Variants in SHC4 observed in about 807,000 individuals in gnomAD.
SHC4 encodes the protein SHC adaptor protein 4.
Under a neutral mutation model 69.4 loss-of-function variants are expected in SHC4, and 41 were observed. That is an observed-to-expected ratio of 0.59 (90% CI 0.46 to 0.77). The LOEUF is 0.77. Ranked by LOEUF, SHC4 falls within the 30% of genes least tolerant of loss-of-function variation. The pLI is 0.00. For synonymous variants in SHC4, 318 were observed against 299.3 expected (o/e 1.06, Z -0.64); for missense variants, 777 against 783.8 (o/e 0.99, Z 0.10).
Position 48,954,672 on chromosome 15 carries a change from G to T in SHC4, c.585+7759C>A, listed in dbSNP as rs75560781. On this transcript the variant is annotated intron_variant, in intron 1 of 11. Coordinates refer to ENST00000332408, the MANE Select transcript of SHC4 (RefSeq NM_203349.4). ...GCAGCACAAGGCAAGACTTAGGGAAGAAAGTTCTGCCAGGGTGGCGCTGCT... is the reference window on the plus strand; with the variant it reads ...GCAGCACAAGGCAAGACTTAGGGAATAAAGTTCTGCCAGGGTGGCGCTGCT... Among the ~76,000 whole-genome samples the T allele has an allele frequency of 9.4e-3, 1,434 of 152,360 alleles. 35 individuals carry two copies. The East Asian group carries it at 0.11, about 11-fold the overall frequency.
chr15:48,915,603 A>G (rs1471509747), intron 2 of SHC4, among the ~76,000 whole-genome samples: 1 of 152,208 alleles, frequency 6.6e-6, no homozygotes, highest in African/African-American at 2.4e-5. Context: ...GGGGAGATCA[A>G]CTTTGGATGC....
chr15:48,960,191 C>T (rs1052177240), intron 1 of SHC4, among the ~76,000 whole-genome samples: 7 of 152,146 alleles, frequency 4.6e-5, no homozygotes, highest in South Asian at 2.1e-4. Context: ...AAATCTAAAA[C>T]GCCAGAGGAG....
At chr15:48,880,545 ATC>A (rs1369243891) in intron 4 of SHC4, among the ~76,000 whole-genome samples, 1 of 151,914 alleles carries the variant, frequency 6.6e-6, no homozygotes, top group Non-Finnish European at 1.5e-5. Flanking sequence ...GGAAAAAAAA[ATC>A]TGAGGTCCAC....
At chr15:48,833,773 T>G (rs1404366868) in intron 11 of SHC4, among the ~76,000 whole-genome samples, 1 of 152,210 alleles carries the variant, frequency 6.6e-6, no homozygotes, top group Non-Finnish European at 1.5e-5. Context: ...TCATGAGACA[T>G]GGAATTCCTT....
chr15:48,902,004 G>A (rs925903007), intron 2 of SHC4, among the ~76,000 whole-genome samples: 1 of 152,014 alleles, frequency 6.6e-6, no homozygotes, highest in Non-Finnish European at 1.5e-5. Context: ...GAGTTTGAGA[G>A]CAGACTGTGC....
In SHC4 at chr15:48,963,357, C is replaced by A; in HGVS notation, c.-342G>T. On this transcript the variant is annotated 5_prime_UTR_variant, in exon 1 of 12. Transcript: ENST00000332408. ...GCGCAGAACCCGGGCGAGCGCCGGT[C>A]GGGGGGCCCGCTGCATCACTAGCCT... The A allele has an allele frequency of 3.7e-6, 1 of 270,898 alleles. No homozygotes were observed. Among genetic ancestry groups the A allele is most frequent in the East Asian group, 7.1e-5 (1 of 14,116 alleles). 16.8% of individuals were successfully genotyped at this position (270,898 alleles called of 1,614,324 possible).
At chr15:48,881,288 T>G (rs1293075126) in intron 4 of SHC4, among the ~76,000 whole-genome samples, 1 of 151,978 alleles carries the variant, frequency 6.6e-6, no homozygotes, top group Non-Finnish European at 1.5e-5. Context: ...GATTCTTACC[T>G]TTTTATTATT....
At chr15:48,955,695 G>C (rs1282828724) in intron 1 of SHC4, among the ~76,000 whole-genome samples, 1 of 152,142 alleles carries the variant, frequency 6.6e-6, no homozygotes, top group Non-Finnish European at 1.5e-5. Flanking sequence ...GCTATTTTAA[G>C]ACAATTTTCC....
In SHC4 at chr15:48,851,801, A is replaced by C. The variant is rs372874580; in HGVS notation, c.1243-553T>G. On this transcript the variant is annotated intron_variant, in intron 8 of 11. Transcript: ENST00000332408. Reference sequence around the variant, plus strand: ...GATGAACAGTGTCTTTAGAAAGATTAGTTTGGCAGCACTGTGCAGGAGGGT... The same window carrying C: ...GATGAACAGTGTCTTTAGAAAGATTCGTTTGGCAGCACTGTGCAGGAGGGT... 2.0e-5 allele frequency among the ~76,000 whole-genome samples: 3 copies of C among 152,316 alleles called. No homozygotes were observed. In the South Asian group the frequency reaches 6.2e-4, roughly 32 times the overall value.
chr15:48,908,645 T>G (rs1367625596), intron 2 of SHC4, among the ~76,000 whole-genome samples: 1 of 152,112 alleles, frequency 6.6e-6, no homozygotes, highest in African/African-American at 2.4e-5. Context: ...TTTAGAAGAG[T>G]TTTTCCAATG....
intron 9 of SHC4, among the ~76,000 whole-genome samples, chr15:48,846,251 AC>A (rs1389222126): frequency 2.0e-5 from 3 of 151,960 alleles, no homozygotes; most frequent in African/African-American, 4.8e-5. Context: ...GAGTTAATTA[AC>A]CTCTCTAAGA....
rs774518681 is a variant in SHC4 at position 48,962,919 on chromosome 15, A to G, written c.97T>C (p.Phe33Leu). Residue 33 changes from phenylalanine (F) to leucine (L), a missense_variant, in exon 1 of 12, where the codon TTT becomes CTT. By Grantham distance (22) the Phe-to-Leu change is conservative. Coordinates refer to ENST00000332408, the MANE Select transcript of SHC4 (RefSeq NM_203349.4). ...GMLHRAKYSR[F>L]RNESITSLDE... The stretch of plus-strand genomic sequence containing the variant: ...AAGGACGTGATCGACTCGTTCCGAA[A>G]GCGGCTGTACTTGGCCCTGTGCAGC... The G allele has an allele frequency of 2.5e-6, 4 of 1,613,300 alleles. No homozygotes were observed. The highest frequency in any genetic ancestry group is 3.4e-6 in the Non-Finnish European group (4 of 1,180,010).
chr15:48,893,343 TAA>T (rs1359202716), intron 2 of SHC4, among the ~76,000 whole-genome samples: 1 of 152,168 alleles, frequency 6.6e-6, no homozygotes, highest in Non-Finnish European at 1.5e-5. Flanking sequence ...AACTAAGAAA[TAA>T]GAGTCTAAAA....
chr15:48,896,248 TTC>T (rs1299570972), intron 2 of SHC4, among the ~76,000 whole-genome samples: 2 of 97,544 alleles, frequency 2.1e-5, no homozygotes, highest in African/African-American at 7.5e-5. Flanking sequence ...CCCTCTCTCT[TTC>T]TCTCTCTCTC....
At chr15:48,830,140 G>C (rs1898770233) in intron 11 of SHC4, among the ~76,000 whole-genome samples, 1 of 151,936 alleles carries the variant, frequency 6.6e-6, no homozygotes, top group African/African-American at 2.4e-5. Context: ...GTCTTCCTTT[G>C]TGTTTCATTA....
At chr15:48,849,118 C>T (rs1028067540) in intron 9 of SHC4, among the ~76,000 whole-genome samples, 3 of 152,024 alleles carry the variant, frequency 2.0e-5, no homozygotes, top group East Asian at 3.9e-4. Context: ...GTTGTAGGTT[C>T]GACACTCATC....
chr15:48,944,787 G>A (rs1376874867), intron 1 of SHC4, among the ~76,000 whole-genome samples: 1 of 152,104 alleles, frequency 6.6e-6, no homozygotes, highest in African/African-American at 2.4e-5. Context: ...TCTGTGAAAA[G>A]GTTTCTTACT....
intron 1 of SHC4, among the ~76,000 whole-genome samples, chr15:48,944,697 G>A (rs964604590): frequency 4.6e-5 from 7 of 152,112 alleles, no homozygotes; most frequent in African/African-American, 1.7e-4. Context: ...AGTGATAAGG[G>A]GGATCTTTTA....
chr15:48,859,306 G>GGTGT (rs58641880), intron 6 of SHC4, among the ~76,000 whole-genome samples: 14,569 of 145,800 alleles, frequency 0.1, 683 homozygotes, highest in Non-Finnish European at 0.11. Flanking sequence ...ATTTGAAAGG[G>GGTGT]GTGTGTGTGT....
Sources: allele counts gnomAD v4.1 joint callset (sites outside exome capture counted in the v4.1 genomes callset), GRCh38; gene constraint gnomAD v4.1.1; transcripts MANE v1.5; gene names NCBI Gene and HGNC (gene_info 2026-07-23, HGNC 2026-07-21).